DOCK3: variants seen among roughly 807,000 people sequenced by gnomAD.
DOCK3 encodes the protein dedicator of cytokinesis 3.
In DOCK3, 60 loss-of-function variants were observed where a neutral mutation model predicts 265.6. That is an observed-to-expected ratio of 0.23 (90% CI 0.18 to 0.28). The LOEUF is 0.28. DOCK3 is among the 10% of genes least tolerant of loss of function. DOCK3 has a pLI of 1.00. For missense variants in DOCK3, 1,981 were observed against 2,594.3 expected, an observed-to-expected ratio of 0.76 and a Z score of 5.14; for synonymous variants, 881 against 938.0, an observed-to-expected ratio of 0.94 and a Z score of 1.11.
Position 51,315,145 on chromosome 3 carries a change from T to C in DOCK3, c.3402+17T>C, listed in dbSNP as rs1238709372. 3 of 1,586,302 alleles carry C rather than the reference T, an allele frequency of 1.9e-6. No individual in the cohort carries two copies. The highest frequency in any genetic ancestry group is 2.6e-6 in the Non-Finnish European group (3 of 1,162,636). The stretch of plus-strand genomic sequence containing the variant: ...TTCAAACAGGTAAGACACCTGGCAG[T>C]GTTCGGGGTATTCTCTGGAATGGAT... On this transcript the variant is annotated intron_variant, in intron 32 of 52. Coordinates refer to ENST00000266037, the MANE Select transcript of DOCK3 (RefSeq NM_004947.5).
chr3:50,844,458 C>T (rs544776790), intron 3 of DOCK3, among the ~76,000 whole-genome samples: 44 of 152,088 alleles, frequency 2.9e-4, no homozygotes, highest in African/African-American at 9.6e-4. Context: ...GGAGCTCAAT[C>T]GATGCTTCTG....
intron 5 of DOCK3, among the ~76,000 whole-genome samples, chr3:50,967,288 G>A (rs982101972): frequency 2.0e-5 from 3 of 152,056 alleles, no homozygotes; most frequent in Admixed American, 1.3e-4. Flanking sequence ...TCTGTGCCTG[G>A]TGTATTTCAC....
intron 3 of DOCK3, among the ~76,000 whole-genome samples, chr3:50,866,205 G>A (rs2047134658): frequency 6.6e-6 from 1 of 151,978 alleles, no homozygotes; most frequent in Non-Finnish European, 1.5e-5. Context: ...TTTTTGTCAG[G>A]GTCAGGCGCA....
intron 32 of DOCK3, among the ~76,000 whole-genome samples, chr3:51,315,538 C>T (rs1331779159): frequency 6.6e-6 from 1 of 152,124 alleles, no homozygotes; most frequent in Non-Finnish European, 1.5e-5. Flanking sequence ...ATTTTATAGA[C>T]TACTGCACAG....
At chr3:50,770,911 A>G (rs977320298) in intron 1 of DOCK3, among the ~76,000 whole-genome samples, 5 of 152,226 alleles carry the variant, frequency 3.3e-5, no homozygotes, top group Admixed American at 2.6e-4. Context: ...ATATCCATAT[A>G]TAGATGAATG....
At chr3:51,166,015 ATTATTT>A (rs2086386975) in intron 12 of DOCK3, among the ~76,000 whole-genome samples, 2 of 146,726 alleles carry the variant, frequency 1.4e-5, no homozygotes, top group Non-Finnish European at 3.0e-5. Context: ...AATTATATAT[ATTATTT>A]TTATTCAAAG....
At chr3:50,989,365 C>T (rs887932643) in intron 5 of DOCK3, among the ~76,000 whole-genome samples, 13 of 152,114 alleles carry the variant, frequency 8.5e-5, no homozygotes, top group Admixed American at 1.3e-4. Context: ...TACCAAGTCA[C>T]GATGTACAGC....
intron 38 of DOCK3, among the ~76,000 whole-genome samples, chr3:51,343,587 G>C (rs528581117): frequency 1.3e-5 from 2 of 152,240 alleles, no homozygotes; most frequent in African/African-American, 2.4e-5. Context: ...TTTTGGAGTA[G>C]CTTTGCTTTC....
chr3:51,273,237 A>G (rs2080612480), intron 24 of DOCK3, among the ~76,000 whole-genome samples: 1 of 152,074 alleles, frequency 6.6e-6, no homozygotes. Context: ...TCACTGACAT[A>G]CTTTATTTCT....
At chr3:51,016,649 ATGTT>A (rs1677731034) in intron 5 of DOCK3, among the ~76,000 whole-genome samples, 1 of 78,800 alleles carries the variant, frequency 1.3e-5, no homozygotes, top group Non-Finnish European at 2.2e-5. Context: ...ATATATTTAT[ATGTT>A]TATATATATT....
At chr3:51,134,871 AC>A (rs764416916) in intron 9 of DOCK3, among the ~76,000 whole-genome samples, 6 of 152,152 alleles carry the variant, frequency 3.9e-5, no homozygotes, top group Non-Finnish European at 8.8e-5. Flanking sequence ...ACTACTCTCT[AC>A]TTTTTCATCT....
intron 1 of DOCK3, among the ~76,000 whole-genome samples, chr3:50,747,548 AGTTTAAATGGTATT>A (rs1490700611): frequency 8.5e-5 from 13 of 152,118 alleles, no homozygotes; most frequent in African/African-American, 3.1e-4. Flanking sequence ...GTTTTATGTT[AGTTTAAATGGTATT>A]GTTTAAATGG....
chr3:50,723,929 T>C (rs2037640098), intron 1 of DOCK3, among the ~76,000 whole-genome samples: 1 of 152,134 alleles, frequency 6.6e-6, no homozygotes, highest in African/African-American at 2.4e-5. Context: ...AATTGGAGAA[T>C]ATTTTTGCAA....
intron 2 of DOCK3, among the ~76,000 whole-genome samples, chr3:50,822,931 G>A (rs866990939): frequency 2.6e-5 from 4 of 152,118 alleles, no homozygotes; most frequent in Non-Finnish European, 4.4e-5. Context: ...TAAGAAAAAA[G>A]GCTTCTTGTA....
At chr3:51,072,126 GC>G (rs1409266062) in intron 6 of DOCK3, among the ~76,000 whole-genome samples, 1 of 152,152 alleles carries the variant, frequency 6.6e-6, no homozygotes, top group East Asian at 1.9e-4. Context: ...ATGAACACTT[GC>G]ATGACTCAAA....
At chr3:51,351,145 TC>T (rs2110206235) in intron 40 of DOCK3, among the ~76,000 whole-genome samples, 1 of 152,324 alleles carries the variant, frequency 6.6e-6, no homozygotes, top group African/African-American at 2.4e-5. Context: ...ATAGGCTGAA[TC>T]CCATAGAGAT....
chr3:51,264,856 A>ATAAATAAATAAC (rs1273306423), intron 23 of DOCK3, among the ~76,000 whole-genome samples: 8 of 151,372 alleles, frequency 5.3e-5, no homozygotes, highest in South Asian at 4.2e-4. Context: ...AAATAAATAA[A>ATAAATAAATAAC]TAACTTAGAT....
intron 49 of DOCK3, among the ~76,000 whole-genome samples, chr3:51,367,803 A>G (rs1038297467): frequency 5.9e-5 from 9 of 152,358 alleles, no homozygotes; most frequent in Non-Finnish European, 1.3e-4. Context: ...TTCTTTAAGA[A>G]TGTTGAATAT....
intron 5 of DOCK3, among the ~76,000 whole-genome samples, chr3:51,004,903 T>C (rs1197297894): frequency 6.7e-6 from 1 of 148,542 alleles, no homozygotes; most frequent in Non-Finnish European, 1.5e-5. Flanking sequence ...ACGTTTCATA[T>C]TTCATTTGAC....
Sources: allele counts gnomAD v4.1 joint callset (sites outside exome capture counted in the v4.1 genomes callset), GRCh38; gene constraint gnomAD v4.1.1; transcripts MANE v1.5; gene names NCBI Gene and HGNC (gene_info 2026-07-23, HGNC 2026-07-21).